The following BST1 variants were observed in gnomAD, a reference collection of about 807,000 sequenced individuals.
BST1 encodes bone marrow stromal cell antigen 1.
Under a neutral mutation model 40.6 loss-of-function variants are expected in BST1, and 49 were observed. That is an observed-to-expected ratio of 1.21 (90% CI 0.96 to 1.53). BST1 has a LOEUF of 1.53. Ranked by LOEUF, BST1 falls within the 40% of genes most tolerant of loss-of-function variation. The probability of loss-of-function intolerance (pLI) is 0.00; values close to 1 mark genes in which losing one functional copy is unlikely to be tolerated. For missense variants in BST1, 423 were observed against 395.9 expected (o/e 1.07, Z -0.58); for synonymous variants, 157 against 159.3 (o/e 0.99, Z 0.11).
chr4:15,766,876 A>G, the BST1 span, among the ~76,000 whole-genome samples: 51,284 of 149,962 alleles, frequency 0.34, 9,104 homozygotes, highest in South Asian at 0.41. Flanking sequence ...TTCTGACCAG[A>G]AGAAGTGTGA....
At chr4:15,767,978 T>C in the BST1 span, among the ~76,000 whole-genome samples, 1 of 152,316 alleles carries the variant, frequency 6.6e-6, no homozygotes, top group African/African-American at 2.4e-5. Flanking sequence ...TCCCTGACTT[T>C]GACCACATGG....
At position 15,707,834 on chromosome 4, in the gene BST1, ACT is replaced by A. The variant is rs146353876; in HGVS notation, c.451+209_451+210del. ...TAACTTTGCAGGTGCCAGTCTAAGC[ACT>A]CTCTCTCTCTCTCTCTCTCTATATA... On this transcript the variant is annotated intron_variant, in intron 3 of 8. Coordinates refer to ENST00000265016, the MANE Select transcript of BST1 (RefSeq NM_004334.3). 1.8e-3 allele frequency among the ~76,000 whole-genome samples: 189 copies of A among 107,014 alleles called. 2 individuals carry two copies. Among genetic ancestry groups the A allele is most frequent in the African/African-American group, 6.7e-3 (176 of 26,458 alleles). The allele number at this position is 107,014 out of a possible 152,430, so 70.2% of individuals were successfully genotyped here. A position where few individuals can be genotyped will look rare whatever the true frequency, so the allele number is the denominator to read the frequency against.
chr4:15,766,644 G>C, the BST1 span, among the ~76,000 whole-genome samples: 2 of 151,756 alleles, frequency 1.3e-5, no homozygotes, highest in South Asian at 4.1e-4. Flanking sequence ...CTAGAAAGAA[G>C]CAGGTCACAG....
At chr4:15,771,999 C>T in the BST1 span, among the ~76,000 whole-genome samples, 2 of 140,836 alleles carry the variant, frequency 1.4e-5, no homozygotes, top group African/African-American at 5.6e-5. Context: ...TTTTATGAAA[C>T]AATGAAGGTC....
the BST1 span, among the ~76,000 whole-genome samples, chr4:15,769,347 G>A: frequency 1.2e-4 from 18 of 152,356 alleles, no homozygotes; most frequent in East Asian, 3.5e-3. Context: ...AGAGAACTTG[G>A]TATTTCTGGT....
the BST1 span, among the ~76,000 whole-genome samples, chr4:15,748,258 G>T: frequency 0.066 from 10,089 of 152,186 alleles, 479 homozygotes; most frequent in Admixed American, 0.13. Context: ...CCAAAATAAG[G>T]GACAGTATTT....
downstream of BST1, among the ~76,000 whole-genome samples, chr4:15,742,739 C>A (rs768245237): frequency 3.9e-5 from 6 of 152,178 alleles, no homozygotes; most frequent in Non-Finnish European, 7.3e-5. Flanking sequence ...TGGCAGGAAG[C>A]CAATACAGTG....
the BST1 span, among the ~76,000 whole-genome samples, chr4:15,754,509 T>C: frequency 6.6e-6 from 1 of 152,214 alleles, no homozygotes; most frequent in African/African-American, 2.4e-5. Context: ...AGCAGAAGCA[T>C]GAATGCTGAG....
At position 15,729,704 on chromosome 4, in the gene BST1, A is replaced by C. The variant is rs542888337; in HGVS notation, c.852-2036A>C. ...TGCAAATAGTGCAGTTACCCCCTCA[A>C]GTATAGTCTCACATTGACAAGAAAA... On this transcript the variant is annotated intron_variant, in intron 8 of 8. Coordinates refer to ENST00000265016, the MANE Select transcript of BST1 (RefSeq NM_004334.3). Among the ~76,000 whole-genome samples the C allele has an allele frequency of 3.9e-5, 6 of 152,350 alleles. No homozygotes were observed. In the East Asian group the frequency reaches 1.2e-3, roughly 29 times the overall value.
the BST1 span, among the ~76,000 whole-genome samples, chr4:15,746,693 G>A: frequency 0.033 from 5,046 of 152,264 alleles, 281 homozygotes; most frequent in African/African-American, 0.11. Context: ...CAAACCATAG[G>A]AACCTAGGAT....
downstream of BST1, among the ~76,000 whole-genome samples, chr4:15,738,720 T>G (rs1450858017): frequency 1.3e-5 from 2 of 152,372 alleles, no homozygotes; most frequent in South Asian, 2.1e-4. Context: ...TAGTTCGTTA[T>G]GGCCACCCTG....
intron 2 of BST1, among the ~76,000 whole-genome samples, chr4:15,705,963 A>T (rs1174762626): frequency 6.6e-6 from 1 of 152,212 alleles, no homozygotes; most frequent in African/African-American, 2.4e-5. Flanking sequence ...CTTTTACTTC[A>T]GCAGAAGGCA....
chr4:15,735,171 A>G (rs140171697), downstream of BST1, among the ~76,000 whole-genome samples: 4 of 152,186 alleles, frequency 2.6e-5, no homozygotes, highest in African/African-American at 9.6e-5. Context: ...GGCAGACTCT[A>G]AGACATACCT....
At chr4:15,740,370 A>G (rs1179090847), downstream of BST1, among the ~76,000 whole-genome samples, 1 of 152,158 alleles carries the variant, frequency 6.6e-6, no homozygotes, top group East Asian at 1.9e-4. Flanking sequence ...ATTAGTAGTT[A>G]TTATCTACTT....
At chr4:15,754,651 A>G in the BST1 span, among the ~76,000 whole-genome samples, 3 of 152,344 alleles carry the variant, frequency 2.0e-5, no homozygotes, top group African/African-American at 7.2e-5. Context: ...GCCTGAAAAG[A>G]TGGAAAAAAC....
At chr4:15,742,504 C>T (rs187706859), downstream of BST1, among the ~76,000 whole-genome samples, 128 of 152,318 alleles carry the variant, frequency 8.4e-4, no homozygotes, top group African/African-American at 2.7e-3. Flanking sequence ...TTTCCAGCCA[C>T]CAGAATTTTA....
chr4:15,711,186 G>A (rs1720181000), intron 3 of BST1, among the ~76,000 whole-genome samples: 1 of 152,110 alleles, frequency 6.6e-6, no homozygotes, highest in African/African-American at 2.4e-5. Context: ...AGGAATATGA[G>A]GTCAACTTGT....
At chr4:15,762,415 T>G in the BST1 span, among the ~76,000 whole-genome samples, 8 of 151,810 alleles carry the variant, frequency 5.3e-5, no homozygotes, top group African/African-American at 1.7e-4. Context: ...TGTTTATATT[T>G]TATTACATTT....
At chr4:15,760,852 C>CTTTT in the BST1 span, among the ~76,000 whole-genome samples, 1 of 138,806 alleles carries the variant, frequency 7.2e-6, no homozygotes, top group African/African-American at 2.7e-5. Context: ...CCACGCCTAG[C>CTTTT]TTTTTTTTTT....
Sources: allele counts gnomAD v4.1 joint callset (sites outside exome capture counted in the v4.1 genomes callset), GRCh38; gene constraint gnomAD v4.1.1; transcripts MANE v1.5; gene names NCBI Gene and HGNC (gene_info 2026-07-23, HGNC 2026-07-21).